ZNG1E: variants seen among roughly 807,000 people sequenced by gnomAD.
ZNG1E encodes Zn regulated GTPase metalloprotein activator 1E, also known as zinc-regulated GTPase metalloprotein activator 1E.
the ZNG1E span, among the ~76,000 whole-genome samples, chr9:65,661,643 A>G: frequency 6.6e-6 from 1 of 152,134 alleles, no homozygotes; most frequent in African/African-American, 2.4e-5. Flanking sequence ...CTTCTCACTC[A>G]TAAACTAATA....
chr9:65,658,543 G>C, the ZNG1E span, among the ~76,000 whole-genome samples: 1 of 151,342 alleles, frequency 6.6e-6, no homozygotes, highest in Non-Finnish European at 1.5e-5. Flanking sequence ...GAAAATCCAA[G>C]GACATGAGTT....
the ZNG1E span, chr9:65,732,870 A>C: frequency 3.2e-6 from 5 of 1,556,126 alleles, no homozygotes; most frequent in Non-Finnish European, 4.3e-6. Flanking sequence ...TAATTTTCTC[A>C]GCTTAAGAGT....
chr9:65,666,904 T>C, the ZNG1E span, among the ~76,000 whole-genome samples: 1 of 152,240 alleles, frequency 6.6e-6, no homozygotes, highest in Non-Finnish European at 1.5e-5. Context: ...CACTGCAACC[T>C]CCATCTCCTA....
the ZNG1E span, among the ~76,000 whole-genome samples, chr9:65,691,215 T>C: frequency 6.6e-6 from 1 of 150,974 alleles, no homozygotes. Context: ...CCCGAGTAGC[T>C]GGGACTACAG....
At chr9:65,684,696 G>A in the ZNG1E span, among the ~76,000 whole-genome samples, 1 of 152,086 alleles carries the variant, frequency 6.6e-6, no homozygotes, top group East Asian at 1.9e-4. Context: ...GCAAATTCTT[G>A]ACCAACCCAG....
At chr9:65,681,341 T>C in the ZNG1E span, among the ~76,000 whole-genome samples, 1 of 152,250 alleles carries the variant, frequency 6.6e-6, no homozygotes, top group Non-Finnish European at 1.5e-5. Flanking sequence ...GAAGTAGGTA[T>C]GTTTATCAGT....
the ZNG1E span, among the ~76,000 whole-genome samples, chr9:65,658,959 G>A: frequency 1.3e-3 from 197 of 151,310 alleles, no homozygotes; most frequent in East Asian, 0.014. Context: ...AAGGCCCCAC[G>A]TCTAAATACA....
At chr9:65,673,336 T>G in the ZNG1E span, among the ~76,000 whole-genome samples, 3 of 129,394 alleles carry the variant, frequency 2.3e-5, no homozygotes, top group Admixed American at 2.6e-4. Flanking sequence ...ATTGATTCAT[T>G]TTGTAGCAGG....
the ZNG1E span, among the ~76,000 whole-genome samples, chr9:65,666,880 G>A: frequency 1.3e-5 from 2 of 152,252 alleles, no homozygotes; most frequent in African/African-American, 2.4e-5. Flanking sequence ...GAATGCAATG[G>A]CACGATCTTG....
the ZNG1E span, chr9:65,681,821 T>C: frequency 1.3e-6 from 2 of 1,542,468 alleles, no homozygotes; most frequent in Non-Finnish European, 1.7e-6. Context: ...TTAGGAAGCA[T>C]TTTCTTAAAG....
At chr9:65,689,306 G>A in the ZNG1E span, among the ~76,000 whole-genome samples, 3 of 61,380 alleles carry the variant, frequency 4.9e-5, no homozygotes, top group African/African-American at 1.6e-4. Flanking sequence ...TTTTGGGTTG[G>A]ATAATTATTT....
the ZNG1E span, among the ~76,000 whole-genome samples, chr9:65,662,847 CT>C: frequency 2.0e-5 from 3 of 150,998 alleles, no homozygotes; most frequent in Non-Finnish European, 4.4e-5. Flanking sequence ...TATTTTAAAC[CT>C]AAAATTTTGA....
chr9:65,672,537 A>T, the ZNG1E span, among the ~76,000 whole-genome samples: 1 of 151,790 alleles, frequency 6.6e-6, no homozygotes, highest in Non-Finnish European at 1.5e-5. Flanking sequence ...GGAGGTCAGG[A>T]GTTCAAGACC....
chr9:65,709,369 T>C, the ZNG1E span, among the ~76,000 whole-genome samples: 4 of 150,880 alleles, frequency 2.7e-5, no homozygotes, highest in Admixed American at 6.6e-5. Flanking sequence ...ATTATTATTA[T>C]ACTTTAAGGT....
At chr9:65,710,043 A>T in the ZNG1E span, among the ~76,000 whole-genome samples, 1 of 146,546 alleles carries the variant, frequency 6.8e-6, no homozygotes, top group African/African-American at 2.7e-5. Context: ...AATGATTGCC[A>T]TTCTAACTGG....
chr9:65,668,151 CTCTA>C, the ZNG1E span, among the ~76,000 whole-genome samples: 12 of 151,518 alleles, frequency 7.9e-5, no homozygotes, highest in South Asian at 8.4e-4. Context: ...TACAAATGTA[CTCTA>C]TCTTTCTGTT....
chr9:65,671,690 A>T, the ZNG1E span, among the ~76,000 whole-genome samples: 3,057 of 151,102 alleles, frequency 0.02, 2 homozygotes, highest in Middle Eastern at 0.058. Flanking sequence ...AGCAGAGGGG[A>T]CTTCCTTATT....
the ZNG1E span, chr9:65,705,000 G>C: frequency 7.2e-6 from 1 of 139,310 alleles, no homozygotes; most frequent in Non-Finnish European, 1.5e-5. Context: ...TTTATTTTTT[G>C]TTTTTTTAAA....
the ZNG1E span, among the ~76,000 whole-genome samples, chr9:65,711,091 C>G: frequency 4.3e-5 from 5 of 116,496 alleles, 1 homozygote; most frequent in African/African-American, 1.8e-4. Context: ...AGTTGGATTC[C>G]TAGGTATTTT....
Sources: allele counts gnomAD v4.1 joint callset (sites outside exome capture counted in the v4.1 genomes callset), GRCh38; gene constraint gnomAD v4.1.1; transcripts MANE v1.5; gene names NCBI Gene and HGNC (gene_info 2026-07-23, HGNC 2026-07-21).